The following MGMT variants were observed in gnomAD, a reference collection of about 807,000 sequenced individuals.
MGMT encodes the protein methylated-DNA--protein-cysteine methyltransferase.
Under a neutral mutation model 15.9 loss-of-function variants are expected in MGMT, and 14 were observed. The observed-to-expected ratio is 0.88, with a 90% confidence interval of 0.58 to 1.37. The LOEUF is 1.37. Among genes scored for constraint, MGMT ranks in the 40% most tolerant of loss-of-function variants. The pLI, the probability that MGMT is intolerant of heterozygous loss-of-function variation, is 0.00. For missense variants in MGMT, 282 were observed against 268.1 expected, an observed-to-expected ratio of 1.05 and a Z score of -0.36; for synonymous variants, 130 against 118.2, an observed-to-expected ratio of 1.10 and a Z score of -0.65.
chr10:129,582,507 G>A (rs1043136836), intron 2 of MGMT, among the ~76,000 whole-genome samples: 10 of 151,772 alleles, frequency 6.6e-5, no homozygotes, highest in Admixed American at 3.3e-4. Context: ...TCCGTACAAC[G>A]TCTTCCCGAT....
At chr10:129,514,751 G>A (rs1206112287) in intron 1 of MGMT, among the ~76,000 whole-genome samples, 9 of 152,218 alleles carry the variant, frequency 5.9e-5, no homozygotes, top group Admixed American at 5.2e-4. Flanking sequence ...CTGCGAGGAA[G>A]TGGGGCCTCA....
intron 2 of MGMT, among the ~76,000 whole-genome samples, chr10:129,706,912 C>T (rs1166912232): frequency 1.3e-5 from 2 of 152,050 alleles, no homozygotes; most frequent in South Asian, 2.1e-4. Context: ...CAGTCTGAAG[C>T]GACTCCCAGA....
At chr10:129,611,496 C>T (rs962397596) in intron 2 of MGMT, among the ~76,000 whole-genome samples, 7 of 152,200 alleles carry the variant, frequency 4.6e-5, no homozygotes, top group Non-Finnish European at 1.0e-4. Context: ...GACTGAAGAT[C>T]ACAAGTCAAC....
intron 3 of MGMT, among the ~76,000 whole-genome samples, chr10:129,753,041 A>C (rs1388531365): frequency 6.6e-6 from 1 of 152,142 alleles, no homozygotes; most frequent in African/African-American, 2.4e-5. Flanking sequence ...TTTCCTTTTT[A>C]TCAGCAAATG....
intron 2 of MGMT, among the ~76,000 whole-genome samples, chr10:129,615,144 C>T (rs2133071057): frequency 6.6e-6 from 1 of 152,098 alleles, no homozygotes; most frequent in South Asian, 2.1e-4. Flanking sequence ...GAGTGAGATG[C>T]CTATATTGGG....
intron 1 of MGMT, among the ~76,000 whole-genome samples, chr10:129,487,974 CAGGTAT>C (rs1342598803): frequency 7.4e-5 from 3 of 40,680 alleles, no homozygotes; most frequent in Non-Finnish European, 1.5e-4. Flanking sequence ...GGTGTATACG[CAGGTAT>C]ACACACACAC....
chr10:129,478,835 A>G (rs1438029444), intron 1 of MGMT, among the ~76,000 whole-genome samples: 1 of 152,164 alleles, frequency 6.6e-6, no homozygotes, highest in Non-Finnish European at 1.5e-5. Flanking sequence ...CTCTATTTGA[A>G]GTGTGGATTT....
At chr10:129,613,101 C>G (rs777305838) in intron 2 of MGMT, among the ~76,000 whole-genome samples, 1 of 152,170 alleles carries the variant, frequency 6.6e-6, no homozygotes, top group Non-Finnish European at 1.5e-5. Context: ...ATGCTCCAAG[C>G]TGTATTGGAA....
chr10:129,518,331 CACACAT>C (rs1230505503), intron 1 of MGMT, among the ~76,000 whole-genome samples: 18 of 87,366 alleles, frequency 2.1e-4, no homozygotes, highest in Admixed American at 7.8e-4. Flanking sequence ...TACAGATACA[CACACAT>C]ACACACACAC....
At chr10:129,655,880 G>C (rs1351001937) in intron 2 of MGMT, among the ~76,000 whole-genome samples, 1 of 152,148 alleles carries the variant, frequency 6.6e-6, no homozygotes, top group Non-Finnish European at 1.5e-5. Context: ...TATAGAGCAG[G>C]CACTGATTTT....
intron 3 of MGMT, among the ~76,000 whole-genome samples, chr10:129,728,579 T>C (rs1564776357): frequency 6.6e-6 from 1 of 152,100 alleles, no homozygotes; most frequent in Non-Finnish European, 1.5e-5. Context: ...CTGTGTGGCA[T>C]GTGCTGCTCC....
intron 2 of MGMT, among the ~76,000 whole-genome samples, chr10:129,592,789 C>T (rs967058085): frequency 6.7e-6 from 1 of 148,872 alleles, no homozygotes; most frequent in African/African-American, 2.4e-5. Context: ...ACCAGTGCAA[C>T]TTTAATTAAT....
chr10:129,544,103 C>A (rs900180531), intron 2 of MGMT, among the ~76,000 whole-genome samples: 2 of 152,162 alleles, frequency 1.3e-5, no homozygotes, highest in Non-Finnish European at 2.9e-5. Context: ...CTGTTCGGCT[C>A]TGTTTGTGAA....
intron 2 of MGMT, among the ~76,000 whole-genome samples, chr10:129,669,027 T>C (rs1847691206): frequency 2.0e-5 from 3 of 152,210 alleles, no homozygotes; most frequent in African/African-American, 4.8e-5. Flanking sequence ...ATATATAATC[T>C]ATTGTAAGTG....
chr10:129,668,025 G>C (rs1589925427), intron 2 of MGMT, among the ~76,000 whole-genome samples: 1 of 152,056 alleles, frequency 6.6e-6, no homozygotes, highest in Non-Finnish European at 1.5e-5. Flanking sequence ...CCACTCTTTG[G>C]CTTGCCTTTC....
At chr10:129,576,783 A>G (rs1167425021) in intron 2 of MGMT, among the ~76,000 whole-genome samples, 1 of 152,174 alleles carries the variant, frequency 6.6e-6, no homozygotes, top group African/African-American at 2.4e-5. Flanking sequence ...ATATCTAGAA[A>G]ACCCCATCGT....
intron 2 of MGMT, among the ~76,000 whole-genome samples, chr10:129,595,642 C>T (rs1460174337): frequency 6.6e-6 from 1 of 152,072 alleles, no homozygotes; most frequent in Non-Finnish European, 1.5e-5. Flanking sequence ...CCAGAGGGTT[C>T]CTGAAATTCT....
intron 2 of MGMT, among the ~76,000 whole-genome samples, chr10:129,609,280 A>G (rs1185239714): frequency 3.3e-5 from 5 of 151,158 alleles, no homozygotes; most frequent in Admixed American, 3.3e-4. Context: ...TAGAACTGGA[A>G]TCGTTGGCCC....
chr10:129,531,644 A>G (rs1274671529), intron 1 of MGMT, among the ~76,000 whole-genome samples: 1 of 151,756 alleles, frequency 6.6e-6, no homozygotes, highest in Non-Finnish European at 1.5e-5. Context: ...ACTAACTTCT[A>G]CTGCTGCCCA....
Sources: gnomAD v4.1 joint callset for allele counts (sites outside exome capture counted in the v4.1 genomes callset) on GRCh38, gnomAD v4.1.1 for gene constraint, MANE v1.5 for transcripts, NCBI Gene and HGNC (gene_info 2026-07-23, HGNC 2026-07-21) for gene names.